UCK2: variants seen among roughly 807,000 people sequenced by gnomAD.
UCK2 encodes uridine-cytidine kinase 2.
In UCK2, 6 loss-of-function variants were observed where a neutral mutation model predicts 30.8. That is an observed-to-expected ratio of 0.19 (90% CI 0.11 to 0.38). The LOEUF (loss-of-function observed/expected upper bound fraction) is 0.38. Ranked by LOEUF, UCK2 falls within the 10% of genes least tolerant of loss-of-function variation. UCK2 has a pLI of 1.00. For missense variants in UCK2, 210 were observed against 339.8 expected (o/e 0.62, Z 3.00); for synonymous variants, 125 against 133.6 (o/e 0.94, Z 0.45).
intron 1 of UCK2, among the ~76,000 whole-genome samples, chr1:165,888,182 T>C (rs1373161837): frequency 6.6e-6 from 1 of 152,224 alleles, no homozygotes; most frequent in Non-Finnish European, 1.5e-5. Context: ...ATTTTTGTTG[T>C]TGTTGTTGTT....
At chr1:165,869,090 C>A (rs1417248015) in intron 1 of UCK2, among the ~76,000 whole-genome samples, 1 of 152,160 alleles carries the variant, frequency 6.6e-6, no homozygotes, top group Non-Finnish European at 1.5e-5. Context: ...GTCAGTGGAA[C>A]AGTCAGAACA....
Position 165,827,902 on chromosome 1 carries a change from A to T in UCK2, c.69A>T (p.Ile23=). 1 of 1,462,850 alleles carries T rather than the reference A, an allele frequency of 6.8e-7. No homozygotes were observed. The highest frequency in any genetic ancestry group is 9.1e-7 in the Non-Finnish European group (1 of 1,098,868). 90.6% of individuals were successfully genotyped at this position (1,462,850 alleles called of 1,614,324 possible). Residue 23 remains isoleucine (I), a synonymous_variant, in exon 1 of 7, where the codon ATA becomes ATT. Transcript: ENST00000367879. ...CCAACGGCGGCGAGCCCTTCCTTAT[A>T]GGCGTCAGCGGGGGAACAGCTAGCG... ...QQPNGGEPFL[I]GVSGGTASGK... is the part of the protein sequence containing the mutation.
intron 3 of UCK2, chr1:165,894,235 C>T (rs911038614): frequency 3.3e-5 from 5 of 152,222 alleles, no homozygotes; most frequent in African/African-American, 7.2e-5. Flanking sequence ...AAACTTAGTG[C>T]AGCCATTGTG....
At chr1:165,836,661 C>G (rs1007549124) in intron 1 of UCK2, among the ~76,000 whole-genome samples, 1 of 152,126 alleles carries the variant, frequency 6.6e-6, no homozygotes, top group Admixed American at 6.5e-5. Context: ...CACCTTTTTG[C>G]ATGGATTCAG....
chr1:165,873,054 T>C (rs754758103), intron 1 of UCK2, among the ~76,000 whole-genome samples: 42 of 152,066 alleles, frequency 2.8e-4, no homozygotes, highest in Middle Eastern at 3.2e-3. Flanking sequence ...CAATGTTAAT[T>C]ATAAAAAGTA....
intron 3 of UCK2, 92 bp from the exon 4 acceptor site, chr1:165,896,098 G>C: frequency 6.5e-7 from 1 of 1,549,846 alleles, no homozygotes; most frequent in Non-Finnish European, 8.7e-7. Flanking sequence ...AAGGAACCCA[G>C]AACCCAGCCC....
At chr1:165,830,576 C>T (rs947110902) in intron 1 of UCK2, among the ~76,000 whole-genome samples, 4 of 151,878 alleles carry the variant, frequency 2.6e-5, no homozygotes, top group Non-Finnish European at 4.4e-5. Flanking sequence ...CCGCCCGCCT[C>T]GGCCTCCCAA....
intron 1 of UCK2, among the ~76,000 whole-genome samples, chr1:165,834,655 A>G (rs77530273): frequency 7.9e-5 from 12 of 152,322 alleles, no homozygotes; most frequent in Non-Finnish European, 1.6e-4. Context: ...CAACTCTGAA[A>G]AATTCAGTTT....
At chr1:165,899,815 G>A (rs1026478944) in intron 4 of UCK2, among the ~76,000 whole-genome samples, 6 of 152,188 alleles carry the variant, frequency 3.9e-5, no homozygotes, top group Admixed American at 1.3e-4. Context: ...GCCTTTCAGT[G>A]CAGGGAACTG....
chr1:165,901,311 G>A (rs756982662), intron 4 of UCK2, among the ~76,000 whole-genome samples: 1 of 152,196 alleles, frequency 6.6e-6, no homozygotes, highest in African/African-American at 2.4e-5. Context: ...AAGTCGAATG[G>A]CAGCATCATT....
chr1:165,883,325 G>A (rs987675517), intron 1 of UCK2, among the ~76,000 whole-genome samples: 6 of 152,200 alleles, frequency 3.9e-5, no homozygotes, highest in Admixed American at 3.9e-4. Context: ...AATGCAGTCT[G>A]TGTGCCCAGC....
At position 165,896,088 on chromosome 1, in the gene UCK2, A is replaced by C. The variant is rs1647232879; in HGVS notation, c.357-102A>C. 7 of 1,482,552 alleles carry C rather than the reference A, an allele frequency of 4.7e-6. No homozygotes were observed. In the Admixed American group the frequency reaches 1.3e-4, roughly 27 times the overall value. The allele number at this position is 1,482,552 out of a possible 1,614,324, so 91.8% of individuals were successfully genotyped here. ...GCCCCCGCTTGAAGTCTGTGGGGGCAAGGAACCCAGAACCCAGCCCAGCCA... is the reference window on the plus strand; with the variant it reads ...GCCCCCGCTTGAAGTCTGTGGGGGCCAGGAACCCAGAACCCAGCCCAGCCA... On this transcript the variant is annotated intron_variant, in intron 3 of 6. Coordinates refer to ENST00000367879, the MANE Select transcript of UCK2 (RefSeq NM_012474.5).
chr1:165,884,926 T>A (rs1361475317), intron 1 of UCK2, among the ~76,000 whole-genome samples: 2 of 152,174 alleles, frequency 1.3e-5, no homozygotes, highest in African/African-American at 4.8e-5. Flanking sequence ...GGACCCTGGC[T>A]CCTAACAGCT....
intron 4 of UCK2, among the ~76,000 whole-genome samples, 166 bp downstream of exon 4, chr1:165,896,498 T>TA (rs1266827370): frequency 6.6e-6 from 1 of 152,208 alleles, no homozygotes; most frequent in Non-Finnish European, 1.5e-5. Flanking sequence ...AGCCCCAGGA[T>TA]ATCCTGCTGC....
chr1:165,828,600 G>A lies in UCK2; in HGVS notation c.99+668G>A, dbSNP rs529111587. Among the ~76,000 whole-genome samples the A allele has an allele frequency of 8.5e-5, 13 of 152,278 alleles. 1 individual carries two copies. In the East Asian group the frequency reaches 2.5e-3, roughly 29 times the overall value. On this transcript the variant is annotated intron_variant, in intron 1 of 6. Coordinates refer to ENST00000367879, the MANE Select transcript of UCK2 (RefSeq NM_012474.5). ...TAAGGTTATAAGAGGAAACGTGGTCGGCTTCAATGAGAAAGTTGTACTGGC... is the reference window on the plus strand; with the variant it reads ...TAAGGTTATAAGAGGAAACGTGGTCAGCTTCAATGAGAAAGTTGTACTGGC...
At position 165,910,006 on chromosome 1, in the gene UCK2, C is replaced by T. The variant is rs1647797944; in HGVS notation, c.*2183C>T. 2 of 152,384 alleles carry T rather than the reference C, an allele frequency of 1.3e-5. No homozygotes were observed. Among genetic ancestry groups the T allele is most frequent in the South Asian group, 4.1e-4 (2 of 4,838 alleles). 9.4% of individuals were successfully genotyped at this position (152,384 alleles called of 1,614,324 possible). The stretch of plus-strand genomic sequence containing the variant: ...TTTACCTAGCTGCTTCCTCATCTAC[C>T]TGTGGTGTTGGGACCAAGCCTCCAA... On this transcript the variant is annotated 3_prime_UTR_variant, in exon 7 of 7. Coordinates refer to ENST00000367879, the MANE Select transcript of UCK2 (RefSeq NM_012474.5).
At chr1:165,900,665 GT>G (rs3838418) in intron 4 of UCK2, 15,593 of 152,458 alleles carry the variant, frequency 0.1, 2,314 homozygotes, top group African/African-American at 0.32. Context: ...GCTGAGGGCA[GT>G]TAGGAGGACT....
chr1:165,862,281 T>C (rs1358217124), intron 1 of UCK2, among the ~76,000 whole-genome samples: 1 of 152,178 alleles, frequency 6.6e-6, no homozygotes, highest in Non-Finnish European at 1.5e-5. Flanking sequence ...TGCTGCATTC[T>C]AAACAAGTGA....
intron 5 of UCK2, among the ~76,000 whole-genome samples, chr1:165,904,408 A>C (rs1302408393): frequency 1.3e-5 from 2 of 152,206 alleles, no homozygotes; most frequent in African/African-American, 4.8e-5. Context: ...TACTGGAAAG[A>C]GACCAGAGGG....
Sources: gnomAD v4.1 joint callset for allele counts (sites outside exome capture counted in the v4.1 genomes callset) on GRCh38, gnomAD v4.1.1 for gene constraint, MANE v1.5 for transcripts, NCBI Gene and HGNC (gene_info 2026-07-23, HGNC 2026-07-21) for gene names.